NIPAL2: variants seen among roughly 807,000 people sequenced by gnomAD.
NIPAL2 encodes the protein NIPA like domain containing 2.
A neutral mutation model predicts 48.9 loss-of-function variants in NIPAL2; 43 were observed. The ratio of observed to expected loss-of-function variants is 0.88; its 90% CI spans 0.69 to 1.13. NIPAL2 has a LOEUF of 1.13. NIPAL2 is among the 50% of genes most tolerant of loss of function. The probability of loss-of-function intolerance (pLI) is 0.00; values close to 1 mark genes in which losing one functional copy is unlikely to be tolerated. For missense variants in NIPAL2, 446 were observed against 461.4 expected, an observed-to-expected ratio of 0.97 and a Z score of 0.31; for synonymous variants, 167 against 174.6, an observed-to-expected ratio of 0.96 and a Z score of 0.34.
chr8:98,194,650 C>G, intron 10 of NIPAL2, 78 bp downstream of exon 10: 1 of 723,242 alleles, frequency 1.4e-6, no homozygotes, highest in Non-Finnish European at 2.2e-6. Flanking sequence ...TTTATATTAA[C>G]TTACCACCCA....
At chr8:98,248,601 T>C (rs979261630) in intron 3 of NIPAL2, among the ~76,000 whole-genome samples, 2 of 152,244 alleles carry the variant, frequency 1.3e-5, no homozygotes, top group African/African-American at 4.8e-5. Context: ...AACTGATATT[T>C]GAACCCTGGC....
At chr8:98,266,014 C>T (rs2130864996) in intron 1 of NIPAL2, among the ~76,000 whole-genome samples, 1 of 150,986 alleles carries the variant, frequency 6.6e-6, no homozygotes, top group East Asian at 2.0e-4. Flanking sequence ...ACATCATTCT[C>T]AGTAAACTAT....
rs776500975 is a variant in NIPAL2 at position 98,222,539 on chromosome 8, C to G, written c.498G>C (p.Gln166His). 1.2e-6 allele frequency: 2 copies of G among 1,613,916 alleles called. No individual in the cohort carries two copies. The highest frequency in any genetic ancestry group is 2.7e-5 in the African/African-American group (2 of 74,912). ...LLVNFAPNIT[Q>H]AISARTVQYY... Reference sequence around the variant, plus strand: ...ACTGTACTGTTCTTGCTGAGATTGCCTGAGTTATATTTGGAGCAAAGTTCA... The same window carrying G: ...ACTGTACTGTTCTTGCTGAGATTGCGTGAGTTATATTTGGAGCAAAGTTCA... Residue 166 changes from glutamine to histidine, a missense_variant, in exon 5 of 11, where the codon CAG becomes CAC. Gln to His is a conservative substitution (Grantham distance 24). Transcript: ENST00000430223.
chr8:98,280,557 C>T (rs1048733280), intron 1 of NIPAL2, among the ~76,000 whole-genome samples: 1 of 151,552 alleles, frequency 6.6e-6, no homozygotes, highest in Non-Finnish European at 1.5e-5. Context: ...TCATGGTGAA[C>T]TCTTAGGAAT....
chr8:98,235,928 C>T (rs552478932), intron 4 of NIPAL2, among the ~76,000 whole-genome samples: 19 of 151,182 alleles, frequency 1.3e-4, no homozygotes, highest in Non-Finnish European at 2.2e-4. Flanking sequence ...TAATAATTTG[C>T]TATAGCAAAA....
chr8:98,218,211 C>A (rs1170403603), intron 5 of NIPAL2, among the ~76,000 whole-genome samples: 1 of 152,126 alleles, frequency 6.6e-6, no homozygotes, highest in Admixed American at 6.5e-5. Context: ...GGCTATGTGA[C>A]CCTTTTCTTA....
At chr8:98,269,758 G>A (rs1312196337) in intron 1 of NIPAL2, among the ~76,000 whole-genome samples, 1 of 152,152 alleles carries the variant, frequency 6.6e-6, no homozygotes, top group African/African-American at 2.4e-5. Flanking sequence ...TTCGCAAGAT[G>A]CTGAGATTTG....
intron 1 of NIPAL2, among the ~76,000 whole-genome samples, chr8:98,293,590 G>A (rs914983617): frequency 2.6e-5 from 4 of 152,240 alleles, no homozygotes; most frequent in African/African-American, 9.6e-5. Flanking sequence ...TCTGATAACA[G>A]GGTGTCACTT....
At chr8:98,230,206 T>G (rs1812372064) in intron 4 of NIPAL2, among the ~76,000 whole-genome samples, 1 of 152,144 alleles carries the variant, frequency 6.6e-6, no homozygotes, top group African/African-American at 2.4e-5. Flanking sequence ...GTGGCACCCC[T>G]AGGAGCTGTA....
At chr8:98,263,081 G>A (rs1222622321) in intron 1 of NIPAL2, among the ~76,000 whole-genome samples, 6 of 148,746 alleles carry the variant, frequency 4.0e-5, no homozygotes, top group Non-Finnish European at 7.4e-5. Flanking sequence ...TGAAACCAAC[G>A]AGAACAAAGA....
At chr8:98,203,776 T>A (rs1309349208) in intron 7 of NIPAL2, among the ~76,000 whole-genome samples, 3 of 151,904 alleles carry the variant, frequency 2.0e-5, no homozygotes, top group Non-Finnish European at 4.4e-5. Flanking sequence ...ATCACCAGGG[T>A]GCTTTTAAAA....
At chr8:98,212,649 C>A (rs755921983) in intron 5 of NIPAL2, 148 bp from the exon 6 acceptor site, 15 of 539,032 alleles carry the variant, frequency 2.8e-5, no homozygotes, top group Non-Finnish European at 4.6e-5. Flanking sequence ...GCAGTATAAG[C>A]ACCTCGGCCA....
chr8:98,224,755 C>CTTTTTTTTTTTTTTTTTTTTT (rs371936351), intron 4 of NIPAL2, among the ~76,000 whole-genome samples: 5 of 123,766 alleles, frequency 4.0e-5, no homozygotes, highest in Admixed American at 9.5e-5. Flanking sequence ...TCTTTCTTTT[C>CTTTTTTTTTTTTTTTTTTTTT]TTTTTTTTTT....
chr8:98,262,950 A>G (rs1394551762), intron 1 of NIPAL2, among the ~76,000 whole-genome samples: 1 of 150,140 alleles, frequency 6.7e-6, no homozygotes, highest in African/African-American at 2.4e-5. Flanking sequence ...AGTGCAATCA[A>G]ACTAGAACTC....
At chr8:98,268,233 C>A (rs965755454) in intron 1 of NIPAL2, among the ~76,000 whole-genome samples, 1 of 152,124 alleles carries the variant, frequency 6.6e-6, no homozygotes, top group Non-Finnish European at 1.5e-5. Context: ...TCCTTGAATA[C>A]TTATGATGCA....
chr8:98,232,154 G>A (rs146423992), intron 4 of NIPAL2, among the ~76,000 whole-genome samples: 1 of 152,264 alleles, frequency 6.6e-6, no homozygotes, highest in East Asian at 1.9e-4. Context: ...TATGAAGTGG[G>A]TTACGACATC....
At chr8:98,282,545 C>T (rs1167634511) in intron 1 of NIPAL2, among the ~76,000 whole-genome samples, 1 of 152,088 alleles carries the variant, frequency 6.6e-6, no homozygotes, top group African/African-American at 2.4e-5. Context: ...TGGTGGCACG[C>T]ACCTGTAGTC....
chr8:98,286,835 C>A (rs63358563), intron 1 of NIPAL2, among the ~76,000 whole-genome samples: 13,644 of 101,622 alleles, frequency 0.13, 1,428 homozygotes, highest in African/African-American at 0.43. Context: ...AAAAAAAAAA[C>A]CAAAAACAAA....
intron 8 of NIPAL2, among the ~76,000 whole-genome samples, chr8:98,199,421 T>C (rs932728277): frequency 8.5e-5 from 13 of 152,158 alleles, no homozygotes; most frequent in Non-Finnish European, 1.8e-4. Flanking sequence ...ATCTGAACAG[T>C]TACAGGCCAT....
Sources: gnomAD v4.1 joint callset for allele counts (sites outside exome capture counted in the v4.1 genomes callset) on GRCh38, gnomAD v4.1.1 for gene constraint, MANE v1.5 for transcripts, NCBI Gene and HGNC (gene_info 2026-07-23, HGNC 2026-07-21) for gene names.